CCSER1: variants seen among roughly 807,000 people sequenced by gnomAD.
CCSER1 encodes coiled-coil serine rich protein 1, also known as serine-rich coiled-coil domain-containing protein 1.
CCSER1 carries 41 observed loss-of-function variants against 82.0 expected under a neutral mutation model. The observed-to-expected ratio is 0.50, with a 90% confidence interval of 0.39 to 0.65. The LOEUF (loss-of-function observed/expected upper bound fraction) is 0.65, where lower values mean the gene tolerates loss of function less well. Ranked by LOEUF, CCSER1 falls within the 30% of genes least tolerant of loss-of-function variation. The pLI is 0.00. For synonymous variants in CCSER1, 414 were observed against 383.9 expected, an observed-to-expected ratio of 1.08 and a Z score of -0.92; for missense variants, 1,119 against 1,064.2, an observed-to-expected ratio of 1.05 and a Z score of -0.72.
chr4:91,369,857 T>A (rs1749909097), intron 10 of CCSER1, among the ~76,000 whole-genome samples: 1 of 151,296 alleles, frequency 6.6e-6, no homozygotes, highest in Non-Finnish European at 1.5e-5. Flanking sequence ...TTTGTATTTT[T>A]TTTTAGGAGA....
intron 7 of CCSER1, chr4:90,781,757 T>C: frequency 1.0e-6 from 1 of 967,018 alleles, no homozygotes; most frequent in South Asian, 4.8e-5. Context: ...AAACCTGTCT[T>C]TTGTTACTGA....
chr4:91,333,040 A>G (rs1346344745), intron 10 of CCSER1, among the ~76,000 whole-genome samples: 1 of 152,078 alleles, frequency 6.6e-6, no homozygotes, highest in Non-Finnish European at 1.5e-5. Context: ...TTCTTGTGTT[A>G]GATTTTTATG....
rs145052065 is a variant in CCSER1 at position 90,709,691 on chromosome 4, G to A, written c.1933-14223G>A. Among the ~76,000 whole-genome samples the A allele has an allele frequency of 7.9e-3, 1,197 of 152,154 alleles. 14 individuals are homozygous for A. The highest frequency in any genetic ancestry group is 0.028 in the African/African-American group (1,145 of 41,504). ...TCTTTATTCAGTCTATCATTGATGGGCATTTAGGTTGATTCCATGTCTTTG... is the reference window on the plus strand; with the variant it reads ...TCTTTATTCAGTCTATCATTGATGGACATTTAGGTTGATTCCATGTCTTTG... On this transcript the variant is annotated intron_variant, in intron 6 of 10. Transcript: ENST00000509176.
intron 10 of CCSER1, among the ~76,000 whole-genome samples, chr4:91,448,835 C>G (rs1755717119): frequency 6.6e-6 from 1 of 151,896 alleles, no homozygotes; most frequent in Non-Finnish European, 1.5e-5. Flanking sequence ...AAGTTACTGC[C>G]CTTGCAGAAC....
intron 10 of CCSER1, among the ~76,000 whole-genome samples, chr4:91,566,675 T>C (rs1762897281): frequency 6.6e-6 from 1 of 152,166 alleles, no homozygotes; most frequent in African/African-American, 2.4e-5. Context: ...TTTGTGTGTG[T>C]AGAGGTGTTC....
chr4:90,698,122 A>G (rs1377784748), intron 6 of CCSER1, among the ~76,000 whole-genome samples: 4 of 152,160 alleles, frequency 2.6e-5, no homozygotes. Flanking sequence ...AAAGCTAGAA[A>G]GCTTTCATAG....
chr4:90,529,267 T>G (rs938279142), intron 5 of CCSER1, among the ~76,000 whole-genome samples: 2 of 152,080 alleles, frequency 1.3e-5, no homozygotes, highest in African/African-American at 4.8e-5. Context: ...GGGGCTGGAG[T>G]GCAGTGGGGA....
chr4:90,855,918 A>T (rs1162954089), intron 8 of CCSER1, among the ~76,000 whole-genome samples: 1 of 152,094 alleles, frequency 6.6e-6, no homozygotes, highest in Non-Finnish European at 1.5e-5. Flanking sequence ...CATTCATTTC[A>T]CACATTCATT....
chr4:90,629,058 G>A (rs1723856497), intron 6 of CCSER1, among the ~76,000 whole-genome samples: 1 of 152,052 alleles, frequency 6.6e-6, no homozygotes, highest in African/African-American at 2.4e-5. Context: ...TTTATTGATT[G>A]GAGATATTAA....
chr4:91,467,999 T>C (rs1757027869), intron 10 of CCSER1, among the ~76,000 whole-genome samples: 1 of 152,204 alleles, frequency 6.6e-6, no homozygotes, highest in African/African-American at 2.4e-5. Context: ...ATCCTATTAC[T>C]GGGTATATAC....
In CCSER1 at chr4:90,779,592, G is replaced by A. The variant is rs531668494; in HGVS notation, c.2011-36170G>A. On this transcript the variant is annotated intron_variant, in intron 7 of 10. Coordinates refer to ENST00000509176, the MANE Select transcript of CCSER1 (RefSeq NM_001145065.2). ...TTATGAGTTCAAGCTCACACCAGAC[G>A]TTCCTCATGGGTTATGCATGTATCC... 4.6e-5 allele frequency among the ~76,000 whole-genome samples: 7 copies of A among 152,282 alleles called. No homozygotes were observed. In the South Asian group the frequency reaches 1.4e-3, roughly 32 times the overall value.
chr4:90,933,537 G>A (rs962490194), intron 9 of CCSER1, among the ~76,000 whole-genome samples: 1 of 151,428 alleles, frequency 6.6e-6, no homozygotes, highest in Non-Finnish European at 1.5e-5. Context: ...GACCCTAATT[G>A]AGTCTGAAAA....
chr4:91,252,660 G>A (rs1167450121), intron 10 of CCSER1, among the ~76,000 whole-genome samples: 1 of 152,140 alleles, frequency 6.6e-6, no homozygotes, highest in Non-Finnish European at 1.5e-5. Flanking sequence ...ACAATTCTGT[G>A]ACCTTGCCAA....
intron 9 of CCSER1, among the ~76,000 whole-genome samples, chr4:90,979,951 C>A (rs1735956086): frequency 6.7e-6 from 1 of 150,132 alleles, no homozygotes; most frequent in Non-Finnish European, 1.5e-5. Context: ...AGTACCTGCC[C>A]ACATGGAATT....
In CCSER1 at chr4:91,024,544, T is replaced by C. The variant is rs112367914; in HGVS notation, c.2173-61406T>C. Among the ~76,000 whole-genome samples, 1,094 of 152,214 alleles carry C rather than the reference T, an allele frequency of 7.2e-3. 12 individuals are homozygous for C. Among genetic ancestry groups the C allele is most frequent in the African/African-American group, 0.025 (1,035 of 41,562 alleles). On this transcript the variant is annotated intron_variant, in intron 9 of 10. Transcript: ENST00000509176. Reference sequence around the variant, plus strand: ...AGAACTCTGTAAAATCTGTGAATACTAAAATCCTTCATTAACTGGTGCCAA... The same window carrying C: ...AGAACTCTGTAAAATCTGTGAATACCAAAATCCTTCATTAACTGGTGCCAA...
At chr4:90,230,528 C>T (rs1295418706) in intron 1 of CCSER1, among the ~76,000 whole-genome samples, 1 of 151,812 alleles carries the variant, frequency 6.6e-6, no homozygotes, top group South Asian at 2.1e-4. Flanking sequence ...AGGAAAGATC[C>T]AAAATTGACA....
chr4:90,164,658 G>C (rs1027993734), intron 1 of CCSER1, among the ~76,000 whole-genome samples: 26 of 152,128 alleles, frequency 1.7e-4, no homozygotes, highest in Middle Eastern at 3.2e-3. Context: ...AATTAGAGTT[G>C]TCTAGACTTC....
rs1744079561 is a variant in CCSER1 at position 90,354,535 on chromosome 4, C to T, written c.1509+41488C>T. On this transcript the variant is annotated intron_variant, in intron 3 of 10. Coordinates refer to ENST00000509176, the MANE Select transcript of CCSER1 (RefSeq NM_001145065.2). ...CGCACAATAGTAACTGTGTGATCAA[C>T]TTGATTATGGTACTCATTTCACAGT... 2.6e-5 allele frequency among the ~76,000 whole-genome samples: 4 copies of T among 152,044 alleles called. No homozygotes were observed. The South Asian group carries it at 8.3e-4, about 31-fold the overall frequency.
intron 10 of CCSER1, among the ~76,000 whole-genome samples, chr4:91,169,479 G>C (rs1055161670): frequency 2.0e-5 from 3 of 152,244 alleles, no homozygotes; most frequent in East Asian, 1.9e-4. Flanking sequence ...AAATTAGCCA[G>C]GCATGGTGGC....
Sources: gnomAD v4.1 joint callset for allele counts (sites outside exome capture counted in the v4.1 genomes callset) on GRCh38, gnomAD v4.1.1 for gene constraint, MANE v1.5 for transcripts, NCBI Gene and HGNC (gene_info 2026-07-23, HGNC 2026-07-21) for gene names.